The following TTC27 variants were observed in gnomAD, a reference collection of about 807,000 sequenced individuals.
TTC27 encodes tetratricopeptide repeat domain 27.
In TTC27, 79 loss-of-function variants were observed where a neutral mutation model predicts 115.9. The ratio of observed to expected loss-of-function variants is 0.68; its 90% CI spans 0.57 to 0.82. TTC27 has a LOEUF of 0.82. Ranked by LOEUF, TTC27 falls within the 40% of genes least tolerant of loss-of-function variation. The pLI, the probability that TTC27 is intolerant of heterozygous loss-of-function variation, is 0.00. For synonymous variants in TTC27, 401 were observed against 356.0 expected, an observed-to-expected ratio of 1.13 and a Z score of -1.42; for missense variants, 1,054 against 993.1, an observed-to-expected ratio of 1.06 and a Z score of -0.82.
chr2:32,667,956 A>G (rs1164432367), intron 7 of TTC27, among the ~76,000 whole-genome samples: 1 of 151,536 alleles, frequency 6.6e-6, no homozygotes, highest in African/African-American at 2.4e-5. Context: ...TGGGAGGCCA[A>G]GGTGGGTGCA....
intron 9 of TTC27, among the ~76,000 whole-genome samples, chr2:32,698,051 A>G (rs898624685): frequency 6.6e-6 from 1 of 152,154 alleles, no homozygotes; most frequent in Non-Finnish European, 1.5e-5. Context: ...ATTAATCTTA[A>G]TTTGTAGATT....
At chr2:32,664,974 G>A (rs1291062870) in intron 6 of TTC27, among the ~76,000 whole-genome samples, 3 of 151,568 alleles carry the variant, frequency 2.0e-5, no homozygotes, top group African/African-American at 7.3e-5. Context: ...CTAGGATTAC[G>A]GGTGCCCACC....
chr2:32,714,014 G>A (rs925260357), intron 10 of TTC27, among the ~76,000 whole-genome samples: 2 of 148,980 alleles, frequency 1.3e-5, no homozygotes, highest in Admixed American at 6.7e-5. Context: ...GTGAGAGTAT[G>A]CACTATTTGG....
intron 4 of TTC27, among the ~76,000 whole-genome samples, chr2:32,641,198 A>G (rs1302955217): frequency 1.3e-5 from 2 of 152,192 alleles, no homozygotes; most frequent in Non-Finnish European, 2.9e-5. Context: ...TCTTCATATA[A>G]ACTAGTGAGG....
Position 32,666,654 on chromosome 2 carries a change from A to G in TTC27, c.825A>G (p.Thr275=). ...IDLTGALGKR[T]RFQENYVAQL... The stretch of plus-strand genomic sequence containing the variant: ...TTTCAGGTGCTTTGGGAAAAAGAAC[A>G]CGGTTCCAGGAAAATTATGTGGCAC... The change falls in exon 7 of 20, where the codon ACA becomes ACG. Residue 275 remains threonine, a synonymous_variant. Transcript: ENST00000317907. 6.2e-7 allele frequency: 1 copy of G among 1,613,934 alleles called. No individual in the cohort carries two copies. Among genetic ancestry groups the G allele is most frequent in the Non-Finnish European group, 8.5e-7 (1 of 1,179,922 alleles).
intron 10 of TTC27, among the ~76,000 whole-genome samples, chr2:32,718,313 A>G (rs928164041): frequency 6.6e-6 from 1 of 151,924 alleles, no homozygotes; most frequent in Non-Finnish European, 1.5e-5. Context: ...GTTATAGGAG[A>G]TTTCTTCCAT....
intron 9 of TTC27, among the ~76,000 whole-genome samples, chr2:32,680,656 A>AT (rs1666386376): frequency 6.6e-6 from 1 of 152,182 alleles, no homozygotes; most frequent in African/African-American, 2.4e-5. Context: ...ACAAGTGTCT[A>AT]GGTGATGAAT....
intron 7 of TTC27, among the ~76,000 whole-genome samples, chr2:32,669,211 C>G (rs560453207): frequency 1.3e-5 from 2 of 152,198 alleles, no homozygotes; most frequent in African/African-American, 4.8e-5. Context: ...AGGCTGGTCT[C>G]GAACTTCTGG....
chr2:32,694,835 GT>G (rs796947543), intron 9 of TTC27, among the ~76,000 whole-genome samples: 29 of 146,780 alleles, frequency 2.0e-4, no homozygotes, highest in African/African-American at 5.0e-4. Context: ...GCCACACCAG[GT>G]TTTTTTTTTT....
intron 3 of TTC27, among the ~76,000 whole-genome samples, chr2:32,635,570 G>C (rs1664388573): frequency 6.6e-6 from 1 of 152,224 alleles, no homozygotes; most frequent in Non-Finnish European, 1.5e-5. Flanking sequence ...TGTAATCCCA[G>C]CTACTCAGGA....
chr2:32,802,072 G>C (rs192217433), intron 16 of TTC27, among the ~76,000 whole-genome samples: 2 of 151,978 alleles, frequency 1.3e-5, no homozygotes, highest in East Asian at 3.9e-4. Context: ...CTAGAAAGCG[G>C]ATGGAAAACT....
chr2:32,766,409 A>G, intron 13 of TTC27: 2 of 298,480 alleles, frequency 6.7e-6, no homozygotes, highest in South Asian at 3.1e-5. Context: ...CTTTTACTTG[A>G]ACGCTGAGAG....
chr2:32,813,077 T>A (rs1671372608), intron 18 of TTC27, among the ~76,000 whole-genome samples: 1 of 152,242 alleles, frequency 6.6e-6, no homozygotes, highest in Non-Finnish European at 1.5e-5. Flanking sequence ...AGGATATTGT[T>A]TGAGGAAAGG....
intron 9 of TTC27, among the ~76,000 whole-genome samples, chr2:32,687,510 A>T (rs1666674013): frequency 6.6e-6 from 1 of 152,256 alleles, no homozygotes; most frequent in South Asian, 2.1e-4. Context: ...AAAGTCAAAG[A>T]TTGATAATGG....
chr2:32,730,194 G>A (rs762914144), intron 10 of TTC27, among the ~76,000 whole-genome samples: 2 of 152,022 alleles, frequency 1.3e-5, no homozygotes, highest in Admixed American at 6.6e-5. Flanking sequence ...ACTTGTGTTC[G>A]GCTTAAAATT....
chr2:32,736,876 A>C, intron 12 of TTC27, 60 bp downstream of exon 12: 5 of 1,558,960 alleles, frequency 3.2e-6, no homozygotes, highest in Non-Finnish European at 4.3e-6. Context: ...GCATCTTCTC[A>C]CTTGTTTTGT....
chr2:32,777,835 T>C (rs373427483), intron 13 of TTC27, 47 bp from the exon 14 acceptor site: 22 of 1,565,842 alleles, frequency 1.4e-5, no homozygotes, highest in Non-Finnish European at 1.8e-5. Context: ...TTACATTCTG[T>C]AAATGTTTCT....
At chr2:32,810,994 A>G in intron 16 of TTC27, 30 bp from the exon 17 acceptor site, 1 of 1,610,478 alleles carries the variant, frequency 6.2e-7, no homozygotes, top group Admixed American at 1.7e-5. Context: ...TTGGTTTCTA[A>G]CTTACCAGTT....
rs547807972 is a variant in TTC27 at position 32,729,568 on chromosome 2, T to C, written c.1234-4260T>C. ...AAGTATAAATGTCTTTAGGCGGAGT[T>C]AGGGAGTAAATGGCATTAAAAGGGA... On this transcript the variant is annotated intron_variant, in intron 10 of 19. Coordinates refer to ENST00000317907, the MANE Select transcript of TTC27 (RefSeq NM_017735.5). Among the ~76,000 whole-genome samples the C allele has an allele frequency of 2.8e-4, 43 of 152,228 alleles. 1 individual carries two copies. In the South Asian group the frequency reaches 8.5e-3, roughly 30 times the overall value.
Sources: gnomAD v4.1 joint callset for allele counts (sites outside exome capture counted in the v4.1 genomes callset) on GRCh38, gnomAD v4.1.1 for gene constraint, MANE v1.5 for transcripts, NCBI Gene and HGNC (gene_info 2026-07-23, HGNC 2026-07-21) for gene names.